FAM227B: variants seen among roughly 807,000 people sequenced by gnomAD.
FAM227B encodes the protein protein FAM227B.
A neutral mutation model predicts 73.8 loss-of-function variants in FAM227B; 88 were observed. The observed-to-expected ratio is 1.19, with a 90% CI of 1.00 to 1.42. FAM227B has a LOEUF of 1.42. FAM227B is among the 40% of genes most tolerant of loss of function. The pLI, the probability that FAM227B is intolerant of heterozygous loss-of-function variation, is 0.00. For synonymous variants in FAM227B, 210 were observed against 190.5 expected (o/e 1.10, Z -0.84); for missense variants, 632 against 590.9 (o/e 1.07, Z -0.72).
chr15:49,470,308 A>G (rs1459827429), intron 11 of FAM227B, among the ~76,000 whole-genome samples: 5 of 152,170 alleles, frequency 3.3e-5, no homozygotes, highest in Non-Finnish European at 7.4e-5. Context: ...CATTATCACT[A>G]TATTTTAAAA....
At chr15:49,575,130 G>C in intron 7 of FAM227B, 21 bp from the exon 8 acceptor site, 2 of 1,190,340 alleles carry the variant, frequency 1.7e-6, no homozygotes, top group South Asian at 2.6e-5. Flanking sequence ...AAACAAGAGA[G>C]AGATGCATGG....
chr15:49,504,595 T>C (rs925870575), intron 11 of FAM227B, among the ~76,000 whole-genome samples: 8 of 152,040 alleles, frequency 5.3e-5, no homozygotes, highest in East Asian at 1.9e-4. Flanking sequence ...TTCATGTGCA[T>C]GTTAAAGTTT....
intron 5 of FAM227B, among the ~76,000 whole-genome samples, chr15:49,581,306 G>C (rs1054973770): frequency 6.6e-6 from 1 of 151,880 alleles, no homozygotes; most frequent in Non-Finnish European, 1.5e-5. Context: ...AGCCAGAAGA[G>C]ATTGGGGGCC....
At chr15:49,554,110 A>G (rs2073367402) in intron 9 of FAM227B, among the ~76,000 whole-genome samples, 1 of 152,278 alleles carries the variant, frequency 6.6e-6, no homozygotes, top group South Asian at 2.1e-4. Context: ...AGGGCCTGGA[A>G]TAAGGGCCTC....
chr15:49,416,778 C>T (rs966008468), intron 11 of FAM227B, among the ~76,000 whole-genome samples: 1 of 81,112 alleles, frequency 1.2e-5, no homozygotes, highest in African/African-American at 2.9e-5. Flanking sequence ...CATAGACACA[C>T]ACACACACAC....
In FAM227B at chr15:49,328,115, G is replaced by A. The variant is rs200728035; in HGVS notation, c.*453C>T. Reference sequence around the variant, plus strand: ...AGCACCGGAGAAGCAAAGTTTGTTTGCTACCAAACCTGGAGGTGGGGCTTT... The same window carrying A: ...AGCACCGGAGAAGCAAAGTTTGTTTACTACCAAACCTGGAGGTGGGGCTTT... On this transcript the variant is annotated 3_prime_UTR_variant, in exon 16 of 16. Transcript: ENST00000299338. 3 of 1,614,084 alleles carry A rather than the reference G, an allele frequency of 1.9e-6. No homozygotes were observed. Among genetic ancestry groups the A allele is most frequent in the East Asian group, 4.5e-5 (2 of 44,878 alleles).
At chr15:49,418,339 C>A (rs573395578) in intron 11 of FAM227B, among the ~76,000 whole-genome samples, 3 of 152,260 alleles carry the variant, frequency 2.0e-5, no homozygotes, top group Non-Finnish European at 2.9e-5. Flanking sequence ...ATAAATCATT[C>A]TACCATAAAG....
intron 11 of FAM227B, among the ~76,000 whole-genome samples, chr15:49,412,002 G>T (rs1597014061): frequency 6.6e-6 from 1 of 151,976 alleles, no homozygotes; most frequent in East Asian, 1.9e-4. Flanking sequence ...AATTAAACCA[G>T]GTGACAGTTT....
At chr15:49,581,842 G>C (rs1785976972) in intron 5 of FAM227B, among the ~76,000 whole-genome samples, 1 of 152,254 alleles carries the variant, frequency 6.6e-6, no homozygotes, top group South Asian at 2.1e-4. Flanking sequence ...ACATACACCA[G>C]TGACACTAAA....
At chr15:49,483,184 T>A in intron 11 of FAM227B, 1 of 1,590,090 alleles carries the variant, frequency 6.3e-7, no homozygotes, top group Non-Finnish European at 8.5e-7. Flanking sequence ...GCAGTTGGAA[T>A]TGTGGCAATC....
chr15:49,444,249 G>A (rs1342669945), intron 11 of FAM227B, among the ~76,000 whole-genome samples: 1 of 151,606 alleles, frequency 6.6e-6, no homozygotes, highest in African/African-American at 2.4e-5. Context: ...ATGAAAAAAC[G>A]GAGAATGGAA....
intron 13 of FAM227B, among the ~76,000 whole-genome samples, chr15:49,360,666 A>G (rs2044060458): frequency 1.3e-5 from 2 of 152,152 alleles, no homozygotes; most frequent in South Asian, 4.1e-4. Flanking sequence ...TCTAAATCCT[A>G]GACATCAAAG....
chr15:49,595,873 C>CA (rs1184563466), intron 3 of FAM227B, among the ~76,000 whole-genome samples: 1 of 151,868 alleles, frequency 6.6e-6, no homozygotes, highest in Non-Finnish European at 1.5e-5. Flanking sequence ...CTTCAGAGCT[C>CA]AAAATCAAGA....
intron 11 of FAM227B, among the ~76,000 whole-genome samples, chr15:49,379,058 C>G (rs2046352028): frequency 6.8e-6 from 1 of 148,050 alleles, no homozygotes; most frequent in Non-Finnish European, 1.5e-5. Context: ...AGGATCATAT[C>G]ATTTTTATCT....
chr15:49,489,345 T>C, intron 11 of FAM227B: 4 of 983,690 alleles, frequency 4.1e-6, no homozygotes, highest in Non-Finnish European at 3.6e-6. Context: ...ATATTCTCTG[T>C]GGAAACATTC....
chr15:49,568,345 G>C lies in FAM227B; in HGVS notation c.647C>G (p.Pro216Arg), dbSNP rs768284161. Reference protein sequence around the residue: ...FWWWFLHKFRPDRENQDCLFD... With the variant: ...FWWWFLHKFRRDRENQDCLFD... ...TAAGCAATCTTGGTTTTCTCTGTCA[G>C]GCTTAAAAAAATGTGTGAAATTAAA... Residue 216 changes from proline to arginine, a missense_variant and splice_region_variant, in exon 9 of 16, where the codon CCT becomes CGT. Physicochemically the swap from Pro to Arg is moderately radical, Grantham distance 103. Coordinates refer to ENST00000299338, the MANE Select transcript of FAM227B (RefSeq NM_152647.3). 1.9e-6 allele frequency: 3 copies of C among 1,600,498 alleles called. No homozygotes were observed. The highest frequency in any genetic ancestry group is 1.7e-5 in the Admixed American group (1 of 57,708).
At chr15:49,575,598 T>A (rs1417067530) in intron 7 of FAM227B, among the ~76,000 whole-genome samples, 2 of 151,988 alleles carry the variant, frequency 1.3e-5, no homozygotes, top group African/African-American at 4.8e-5. Flanking sequence ...TTAAAAGAAA[T>A]ACAATAAAAA....
At chr15:49,337,332 T>C (rs569692706) in intron 13 of FAM227B, among the ~76,000 whole-genome samples, 13 of 152,188 alleles carry the variant, frequency 8.5e-5, no homozygotes, top group Non-Finnish European at 1.9e-4. Flanking sequence ...TTTCCTTTTC[T>C]CTGCAGCCCC....
chr15:49,377,828 T>C (rs1309535884), intron 11 of FAM227B, among the ~76,000 whole-genome samples: 6 of 152,266 alleles, frequency 3.9e-5, no homozygotes, highest in African/African-American at 7.2e-5. Flanking sequence ...ACTTTGTTGA[T>C]TGTATCCTCT....
Sources: allele counts gnomAD v4.1 joint callset (sites outside exome capture counted in the v4.1 genomes callset), GRCh38; gene constraint gnomAD v4.1.1; transcripts MANE v1.5; gene names NCBI Gene and HGNC (gene_info 2026-07-23, HGNC 2026-07-21).